Variants in DLGAP4 observed in about 807,000 individuals in gnomAD.
The protein encoded by DLGAP4 is disks large-associated protein 4.
Under a neutral mutation model 86.9 loss-of-function variants are expected in DLGAP4, and 18 were observed. The ratio of observed to expected loss-of-function variants is 0.21; its 90% confidence interval spans 0.14 to 0.31. DLGAP4 has a LOEUF of 0.31. Ranked by LOEUF, DLGAP4 falls within the 10% of genes least tolerant of loss-of-function variation. The probability of loss-of-function intolerance (pLI) is 1.00; values close to 1 mark genes in which losing one functional copy is unlikely to be tolerated. For missense variants in DLGAP4, 1,085 were observed against 1,362.6 expected (o/e 0.80, Z 3.21); for synonymous variants, 548 against 574.3 (o/e 0.95, Z 0.65).
chr20:36,431,900 C>A lies in DLGAP4; in HGVS notation c.183C>A (p.Asn61Lys), dbSNP rs758621845. 1.4e-5 allele frequency: 23 copies of A among 1,614,082 alleles called. No homozygotes were observed. The highest frequency in any genetic ancestry group is 1.9e-5 in the Non-Finnish European group (22 of 1,180,022). ...TLPGDGLFPL[N>K]NQLPPPSSTF... is the part of the protein sequence containing the mutation. ...CAGGAGATGGCCTCTTTCCCCTCAA[C>A]AACCAGCTGCCCCCGCCCAGCAGCA... The change falls in exon 3 of 13, where the codon AAC (asparagine) becomes AAA (lysine). Residue 61 changes from asparagine to lysine, a missense_variant. By Grantham distance (94) the Asn-to-Lys change is moderately conservative. Coordinates refer to ENST00000339266, the MANE Select transcript of DLGAP4 (RefSeq NM_001365621.2). The surrounding 1 kb of genome is among the most constrained non-coding windows in gnomAD (Gnocchi z 5.1).
At chr20:36,355,213 A>T (rs1456592287) in intron 1 of DLGAP4, among the ~76,000 whole-genome samples, 1 of 152,096 alleles carries the variant, frequency 6.6e-6, no homozygotes, top group Non-Finnish European at 1.5e-5. Flanking sequence ...AAGTAAATGG[A>T]GACATATAAC....
At chr20:36,340,713 C>G (rs2065370798) in intron 1 of DLGAP4, among the ~76,000 whole-genome samples, 1 of 152,224 alleles carries the variant, frequency 6.6e-6, no homozygotes, top group Non-Finnish European at 1.5e-5. Context: ...CACTGCTGCC[C>G]AGACTAGGCC....
At chr20:36,410,131 C>T (rs980733413) in intron 2 of DLGAP4, among the ~76,000 whole-genome samples, 1 of 152,062 alleles carries the variant, frequency 6.6e-6, no homozygotes, top group Non-Finnish European at 1.5e-5. Context: ...TAGGCAAATA[C>T]GAATAAAATT....
chr20:36,385,560 G>T (rs2031565621), intron 2 of DLGAP4, among the ~76,000 whole-genome samples: 1 of 152,214 alleles, frequency 6.6e-6, no homozygotes, highest in Non-Finnish European at 1.5e-5. Flanking sequence ...CATGGCTGGG[G>T]CAGCACCTGG....
At chr20:36,414,109 G>A (rs2032586043) in intron 2 of DLGAP4, among the ~76,000 whole-genome samples, 1 of 152,178 alleles carries the variant, frequency 6.6e-6, no homozygotes, top group African/African-American at 2.4e-5. Flanking sequence ...ATCATCTCCA[G>A]TTTCAAATGA....
rs1333376484 is a variant in DLGAP4, at chr20:36,528,572, G to A, written c.*1541G>A. 6.5e-6 allele frequency: 1 copy of A among 152,680 alleles called. No homozygotes were observed. Among genetic ancestry groups the A allele is most frequent in the African/African-American group, 2.4e-5 (1 of 41,418 alleles). 9.5% of individuals were successfully genotyped at this position (152,680 alleles called of 1,614,324 possible). A position where few individuals can be genotyped will look rare whatever the true frequency, so the allele number is the denominator to read the frequency against. On this transcript the variant is annotated 3_prime_UTR_variant, in exon 13 of 13. Coordinates refer to ENST00000339266, the MANE Select transcript of DLGAP4 (RefSeq NM_001365621.2). ...CTCAACTTCCTCCTCTGTAAAACGG[G>A]GACAGTCCCTGCCCCTCCCTACCTC... is the stretch of plus-strand genomic sequence containing the variant.
intron 7 of DLGAP4, among the ~76,000 whole-genome samples, chr20:36,451,450 A>G (rs1418341494): frequency 6.6e-6 from 1 of 152,112 alleles, no homozygotes; most frequent in East Asian, 1.9e-4. Flanking sequence ...TCCCAGGTTC[A>G]AGCGATTCTC....
chr20:36,371,178 A>G (rs957962365), intron 2 of DLGAP4, among the ~76,000 whole-genome samples: 1 of 152,224 alleles, frequency 6.6e-6, no homozygotes, highest in Non-Finnish European at 1.5e-5. Flanking sequence ...CAAGCAGCAC[A>G]TGGCTGGAAG....
intron 2 of DLGAP4, among the ~76,000 whole-genome samples, chr20:36,369,029 G>C (rs1469085578): frequency 6.6e-6 from 1 of 152,210 alleles, no homozygotes; most frequent in African/African-American, 2.4e-5. Context: ...CAGTGACGGA[G>C]AACGGGATTC....
At chr20:36,424,066 G>C (rs535470044) in intron 2 of DLGAP4, among the ~76,000 whole-genome samples, 2 of 152,212 alleles carry the variant, frequency 1.3e-5, no homozygotes, top group Non-Finnish European at 2.9e-5. Context: ...AGGGGAAGAA[G>C]TAGAATCCAG....
chr20:36,343,563 G>A (rs2065406085), intron 1 of DLGAP4, among the ~76,000 whole-genome samples: 1 of 152,244 alleles, frequency 6.6e-6, no homozygotes, highest in South Asian at 2.1e-4. Flanking sequence ...ATTCCCACCG[G>A]AGGTGAAAGC....
intron 1 of DLGAP4, among the ~76,000 whole-genome samples, chr20:36,328,637 T>G (rs1438499468): frequency 6.6e-6 from 1 of 152,112 alleles, no homozygotes; most frequent in Non-Finnish European, 1.5e-5. Flanking sequence ...TTTGTTTTTT[T>G]GTTTTTTTGA....
chr20:36,405,561 C>A (rs373237569), intron 2 of DLGAP4, among the ~76,000 whole-genome samples: 1 of 152,068 alleles, frequency 6.6e-6, no homozygotes. Context: ...ATTCTTTGAA[C>A]ACATCCTAGG....
At chr20:36,323,956 C>T (rs985302260) in intron 1 of DLGAP4, among the ~76,000 whole-genome samples, 20 of 152,340 alleles carry the variant, frequency 1.3e-4, no homozygotes, top group African/African-American at 4.3e-4. Context: ...CAGACTGGTA[C>T]AGGTCCATGG....
rs979105368 is a variant in DLGAP4 at position 36,423,551 on chromosome 20, G to C, written c.-72-8095G>C. Among the ~76,000 whole-genome samples the C allele has an allele frequency of 7.9e-5, 12 of 151,486 alleles. 1 individual carries two copies. The highest frequency in any genetic ancestry group is 3.3e-4 in the Admixed American group (5 of 15,148). On this transcript the variant is annotated intron_variant, in intron 2 of 12. Coordinates refer to ENST00000339266, the MANE Select transcript of DLGAP4 (RefSeq NM_001365621.2). ...CATGCCGTGCAGCATTCCTCACCTG[G>C]AAGCTTTGGCCTGTCCCCAAGAAGC...
At chr20:36,507,648 A>C (rs1569522844) in intron 10 of DLGAP4, 1 of 152,290 alleles carries the variant, frequency 6.6e-6, no homozygotes, top group East Asian at 1.9e-4. Context: ...GGCATTCCAG[A>C]TGGAGGGAGC....
intron 7 of DLGAP4, among the ~76,000 whole-genome samples, chr20:36,463,118 G>C (rs2034176218): frequency 6.6e-6 from 1 of 152,184 alleles, no homozygotes; most frequent in African/African-American, 2.4e-5. Context: ...CCTGGATCTT[G>C]CTGAGATTCG....
intron 2 of DLGAP4, among the ~76,000 whole-genome samples, chr20:36,391,289 A>C (rs2031776783): frequency 6.6e-6 from 1 of 152,160 alleles, no homozygotes; most frequent in Non-Finnish European, 1.5e-5. Context: ...GCACAGCTGA[A>C]AGCTCTCCCG....
chr20:36,436,432 T>A (rs985532891), intron 4 of DLGAP4, 82 bp downstream of exon 4: 5 of 1,448,326 alleles, frequency 3.5e-6, no homozygotes, highest in Non-Finnish European at 4.5e-6. Flanking sequence ...GGAGGAGCCC[T>A]GCATTAAAAT....
Sources: gnomAD v4.1 joint callset for allele counts (sites outside exome capture counted in the v4.1 genomes callset) on GRCh38, gnomAD v4.1.1 for gene constraint, Gnocchi (gnomAD v3.1) non-coding constraint, MANE v1.5 for transcripts, NCBI Gene and HGNC (gene_info 2026-07-23, HGNC 2026-07-21) for gene names.